MEST: variants seen among roughly 807,000 people sequenced by gnomAD.
The protein encoded by MEST is mesoderm specific transcript.
MEST carries 18 observed loss-of-function variants against 50.9 expected under a neutral mutation model. The observed-to-expected ratio is 0.35, with a 90% CI of 0.24 to 0.52. MEST has a LOEUF of 0.52. Ranked by LOEUF, MEST falls within the 20% of genes least tolerant of loss-of-function variation. The pLI is 0.94. For missense variants in MEST, 282 were observed against 425.3 expected (o/e 0.66, Z 2.96); for synonymous variants, 130 against 154.1 (o/e 0.84, Z 1.16).
In MEST at chr7:130,504,997, C is replaced by CGG. The variant is rs1554439539; in HGVS notation, c.949_950insGG (p.Gln317ArgfsTer3). 1 of 1,613,906 alleles carries CGG rather than the reference C, an allele frequency of 6.2e-7. No homozygotes were observed. On this transcript the variant is annotated frameshift_variant, in exon 12 of 12. Coordinates refer to ENST00000223215, the MANE Select transcript of MEST (RefSeq NM_002402.4). LOFTEE classifies it high-confidence loss of function. The stretch of plus-strand genomic sequence containing the variant: ...GGATGACCACATTAGCCACTATCCA[C>CGG]AGCTAGAGGATCCCATGGGCTTCTT...
rs1799009226 is a variant in MEST at position 130,495,419 on chromosome 7, T to G, written c.78T>G (p.Ala26=). Residue 26 remains alanine (A), a synonymous_variant, in exon 2 of 12, where the codon GCT becomes GCG. Coordinates refer to ENST00000223215, the MANE Select transcript of MEST (RefSeq NM_002402.4). ...GGCTGCTGGCCGTGCCCCTGCTTGC[T>G]GCGTACCTGCACATCCCACCCCCTC... The part of the protein sequence containing the change: ...QVGLLAVPLL[A]AYLHIPPPQL... The G allele has an allele frequency of 6.2e-7, 1 of 1,613,946 alleles. No individual in the cohort carries two copies. Among genetic ancestry groups the G allele is most frequent in the East Asian group, 2.2e-5 (1 of 44,866 alleles).
rs1012102712 is a variant in MEST at position 130,500,368 on chromosome 7, T to A, written c.577-94T>A. ...CCAAACCATTCAGTAGCAGGAGATT[T>A]GGCTAAAGATTTAGTTCCTAGTATA... On this transcript the variant is annotated intron_variant, in intron 7 of 11. Coordinates refer to ENST00000223215, the MANE Select transcript of MEST (RefSeq NM_002402.4). The surrounding 1 kb of genome is among the most constrained non-coding windows in gnomAD (Gnocchi z 5.0). 45 of 1,070,832 alleles carry A rather than the reference T, an allele frequency of 4.2e-5. No homozygotes were observed. Among genetic ancestry groups the A allele is most frequent in the Admixed American group, 7.3e-5 (3 of 41,312 alleles). 66.3% of individuals were successfully genotyped at this position (1,070,832 alleles called of 1,614,324 possible).
In MEST at chr7:130,499,875, G is replaced by A. The variant is rs1263424858; in HGVS notation, c.536G>A (p.Gly179Asp). Residue 179 changes from glycine (G) to aspartate (D), a missense_variant and splice_region_variant, in exon 7 of 12, where the codon GGT becomes GAT. Coordinates refer to ENST00000223215, the MANE Select transcript of MEST (RefSeq NM_002402.4). ...TIKSLCLSNG[G>D]IFPETHRPLL... ...TGACTAAGATAAGTCTCTTCTACAGGTATCTTTCCTGAGACTCACCGTCCA... is the reference window on the plus strand; with the variant it reads ...TGACTAAGATAAGTCTCTTCTACAGATATCTTTCCTGAGACTCACCGTCCA... 1.4e-5 allele frequency: 22 copies of A among 1,609,424 alleles called. No homozygotes were observed. The highest frequency in any genetic ancestry group is 1.3e-4 in the African/African-American group (10 of 74,504).
In MEST at chr7:130,495,844, G is replaced by C. The variant is rs565655285; in HGVS notation, c.181+322G>C. 15 of 258,300 alleles carry C rather than the reference G, an allele frequency of 5.8e-5. No homozygotes were observed. In the East Asian group the frequency reaches 1.9e-3, roughly 33 times the overall value. 16.0% of individuals were successfully genotyped at this position (258,300 alleles called of 1,614,324 possible). ...AATATTAATAGATATAACCACCATTGGTTCTCTCTCCTTACCATCCCTGAT... is the reference window on the plus strand; with the variant it reads ...AATATTAATAGATATAACCACCATTCGTTCTCTCTCCTTACCATCCCTGAT... On this transcript the variant is annotated intron_variant, in intron 2 of 11. Transcript: ENST00000223215.
chr7:130,495,496 A>G lies in MEST; in HGVS notation c.155A>G (p.Tyr52Cys). The part of the protein sequence containing the change: ...SWKSSGKFFT[Y>C]KGLRIFYQDS... ...AAGTCTTCAGGCAAGTTTTTCACTT[A>G]CAAGGGACTGCGTATCTTCTACCAA... is the stretch of plus-strand genomic sequence containing the variant. Residue 52 changes from tyrosine (Y) to cysteine (C), a missense_variant, in exon 2 of 12, where the codon TAC becomes TGC. Tyr to Cys is a radical substitution (Grantham distance 194). Transcript: ENST00000223215. 1 of 1,614,126 alleles carries G rather than the reference A, an allele frequency of 6.2e-7. No individual in the cohort carries two copies. The highest frequency in any genetic ancestry group is 8.5e-7 in the Non-Finnish European group (1 of 1,180,006).
rs781957359 is a variant in MEST at position 130,495,405 on chromosome 7, G to A, written c.64G>A (p.Val22Met). 9.9e-6 allele frequency: 16 copies of A among 1,612,694 alleles called. No individual in the cohort carries two copies. The highest frequency in any genetic ancestry group is 2.7e-5 in the African/African-American group (2 of 74,806). ...GTGGGTCCAGGTGGGGCTGCTGGCCGTGCCCCTGCTTGCTGCGTACCTGCA... is the reference window on the plus strand; with the variant it reads ...GTGGGTCCAGGTGGGGCTGCTGGCCATGCCCCTGCTTGCTGCGTACCTGCA... ...EWWVQVGLLAVPLLAAYLHIP... is the reference protein window; with the variant it reads ...EWWVQVGLLAMPLLAAYLHIP... The change falls in exon 2 of 12, where the codon GTG (valine) becomes ATG (methionine). Residue 22 changes from valine (V) to methionine (M), a missense_variant. Transcript: ENST00000223215.
chr7:130,497,097 T>C lies in MEST; in HGVS notation c.182-59T>C. ...GTATCAGATTACTTAGATTTTAACA[T>C]CTTCGAGGTTATTTTTATAGGGATT... On this transcript the variant is annotated intron_variant, in intron 2 of 11. Transcript: ENST00000223215. The surrounding 1 kb of genome is among the most constrained non-coding windows in gnomAD (Gnocchi z 4.0). The C allele has an allele frequency of 2.9e-6, 4 of 1,386,664 alleles. No individual in the cohort carries two copies. The South Asian group carries it at 5.0e-5, about 17-fold the overall frequency. The allele number at this position is 1,386,664 out of a possible 1,614,324, so 85.9% of individuals were successfully genotyped here.
chr7:130,491,245 GTAAA>G (rs1202588730), upstream of MEST: 1 of 152,280 alleles, frequency 6.6e-6, no homozygotes, highest in Non-Finnish European at 1.5e-5. The surrounding 1 kb of genome is among the most constrained non-coding windows in gnomAD (Gnocchi z 6.8). Flanking sequence ...TCTATCTTAC[GTAAA>G]TAAAGGGGGC....
chr7:130,504,632 C>T (rs1799407536), intron 11 of MEST, among the ~76,000 whole-genome samples: 1 of 152,202 alleles, frequency 6.6e-6, no homozygotes, highest in Non-Finnish European at 1.5e-5. Flanking sequence ...GCTGTGTGAT[C>T]CACTTGTTTG....
At chr7:130,495,635 T>A (rs1799019299) in intron 2 of MEST, 113 bp downstream of exon 2, 3 of 1,090,690 alleles carry the variant, frequency 2.8e-6, no homozygotes, top group Non-Finnish European at 2.6e-6. Flanking sequence ...GAGGAGAGTA[T>A]CTCTCTCTCT....
Position 130,497,149 on chromosome 7 carries a change from T to C in MEST, c.182-7T>C. 2 of 1,610,170 alleles carry C rather than the reference T, an allele frequency of 1.2e-6. No individual in the cohort carries two copies. Among genetic ancestry groups the C allele is most frequent in the Non-Finnish European group, 1.7e-6 (2 of 1,177,976 alleles). ...GGCATAATTGATTGTACTTTCCTTC[T>C]TCCTAGACTCTGTGGGTGTGGTTGG... On this transcript the variant is annotated splice_polypyrimidine_tract_variant and splice_region_variant and intron_variant, in intron 2 of 11. Transcript: ENST00000223215. The surrounding 1 kb of genome is among the most constrained non-coding windows in gnomAD (Gnocchi z 4.0).
At chr7:130,503,205 T>TA (rs1174970020) in intron 10 of MEST, among the ~76,000 whole-genome samples, 7 of 151,976 alleles carry the variant, frequency 4.6e-5, no homozygotes, top group African/African-American at 7.3e-5. Flanking sequence ...CTTACAGATT[T>TA]AAAAAAAAAT....
chr7:130,497,068 C>G lies in MEST; in HGVS notation c.182-88C>G. 3.7e-6 allele frequency: 4 copies of G among 1,075,502 alleles called. No individual in the cohort carries two copies. Among genetic ancestry groups the G allele is most frequent in the Non-Finnish European group, 2.7e-6 (2 of 741,742 alleles). The allele number at this position is 1,075,502 out of a possible 1,614,324, so 66.6% of individuals were successfully genotyped here. ...GTCAATTTGGTCACAGTTGCTTGTT[C>G]TTTGTATCAGATTACTTAGATTTTA... On this transcript the variant is annotated intron_variant, in intron 2 of 11. Transcript: ENST00000223215. The surrounding 1 kb of genome is among the most constrained non-coding windows in gnomAD (Gnocchi z 4.0).
upstream of MEST, chr7:130,489,382 C>T (rs1007583647): frequency 3.9e-5 from 6 of 152,266 alleles, no homozygotes; most frequent in Admixed American, 1.3e-4. Context: ...AAGCCAGAGC[C>T]GACTTTGAAT....
intron 10 of MEST, among the ~76,000 whole-genome samples, chr7:130,503,384 T>A (rs1010317582): frequency 1.3e-5 from 2 of 152,200 alleles, no homozygotes; most frequent in Admixed American, 6.5e-5. Context: ...GAGAGCTGGA[T>A]GAGGGACCAA....
chr7:130,493,833 C>CA (rs1280743223), intron 1 of MEST, among the ~76,000 whole-genome samples: 5 of 152,154 alleles, frequency 3.3e-5, no homozygotes, highest in African/African-American at 2.4e-5. Context: ...TAGGGCTGGG[C>CA]AAATGATCGT....
At chr7:130,486,926 G>C (rs1013084707) in intron 1 of MEST, 3 of 153,796 alleles carry the variant, frequency 2.0e-5, no homozygotes, top group Admixed American at 1.3e-4. Flanking sequence ...CCAGGCGCTG[G>C]GGTCACCAGG....
intron 9 of MEST, among the ~76,000 whole-genome samples, chr7:130,501,527 A>T (rs1287074313): frequency 1.3e-5 from 2 of 152,224 alleles, no homozygotes; most frequent in Non-Finnish European, 2.9e-5. Context: ...ACTATTTGTA[A>T]GATGAGATAT....
chr7:130,495,661 T>A, intron 2 of MEST, 139 bp downstream of exon 2: 1 of 926,278 alleles, frequency 1.1e-6, no homozygotes, highest in Non-Finnish European at 1.5e-6. Context: ...TGTAGTGTGC[T>A]TGCAGAGAAG....
Sources: allele counts gnomAD v4.1 joint callset (sites outside exome capture counted in the v4.1 genomes callset), GRCh38; gene constraint gnomAD v4.1.1; non-coding constraint Gnocchi (gnomAD v3.1); transcripts MANE v1.5; gene names NCBI Gene and HGNC (gene_info 2026-07-23, HGNC 2026-07-21).